The following ZNF236 variants were observed in gnomAD, a reference collection of about 807,000 sequenced individuals.
ZNF236 encodes the protein zinc finger protein 236.
In ZNF236, 50 loss-of-function variants were observed where a neutral mutation model predicts 191.2. The ratio of observed to expected loss-of-function variants is 0.26; its 90% confidence interval spans 0.21 to 0.33. ZNF236 has a LOEUF of 0.33. ZNF236 is among the 10% of genes least tolerant of loss of function. ZNF236 has a pLI of 1.00. For synonymous variants in ZNF236, 907 were observed against 928.8 expected (o/e 0.98, Z 0.43); for missense variants, 1,754 against 2,374.5 (o/e 0.74, Z 5.43).
At chr18:76,847,659 C>T (rs1014567711) in intron 1 of ZNF236, among the ~76,000 whole-genome samples, 6 of 152,002 alleles carry the variant, frequency 3.9e-5, no homozygotes, top group South Asian at 2.1e-4. Context: ...TTAGTAGAGA[C>T]AGGGTTTCAC....
chr18:76,966,799 A>G (rs1304489526), intron 30 of ZNF236, among the ~76,000 whole-genome samples: 1 of 152,226 alleles, frequency 6.6e-6, no homozygotes, highest in Non-Finnish European at 1.5e-5. Flanking sequence ...TGTTTCCTAC[A>G]CAGAATCTAG....
At chr18:76,921,737 C>CTTTTTTTTTT (rs11380490) in intron 20 of ZNF236, among the ~76,000 whole-genome samples, 13 of 98,050 alleles carry the variant, frequency 1.3e-4, no homozygotes, top group Non-Finnish European at 1.4e-4. Context: ...GTGGGATGTT[C>CTTTTTTTTTT]TTTTTTTTTT....
intron 28 of ZNF236, among the ~76,000 whole-genome samples, chr18:76,957,661 T>C (rs923337590): frequency 6.6e-6 from 1 of 152,154 alleles, no homozygotes; most frequent in African/African-American, 2.4e-5. Context: ...TTCCTGCTCC[T>C]CTCCCTCCTC....
At chr18:76,879,940 A>G (rs896005065) in intron 7 of ZNF236, among the ~76,000 whole-genome samples, 173 bp from the exon 8 acceptor site, 2 of 152,166 alleles carry the variant, frequency 1.3e-5, no homozygotes, top group African/African-American at 4.8e-5. Context: ...TTAAGAGCCA[A>G]TATCGTGCCA....
chr18:76,947,658 G>A lies in ZNF236; in HGVS notation c.4914+6G>A, dbSNP rs372859967. 4.6e-4 allele frequency: 741 copies of A among 1,612,162 alleles called. 11 individuals carry two copies. The South Asian group carries it at 7.4e-3, about 16-fold the overall frequency. ...GTGAAGAAATAGCCTACCAGGTACA[G>A]GATATTCCTTCATTCACAGAGCTTT... On this transcript the variant is annotated splice_donor_region_variant and intron_variant, in intron 27 of 30. Transcript: ENST00000320610.
In ZNF236 at chr18:76,849,515, C is replaced by T. The variant is rs1340081274; in HGVS notation, c.56-11C>T. The T allele has an allele frequency of 6.3e-7, 1 of 1,596,072 alleles. No homozygotes were observed. The highest frequency in any genetic ancestry group is 8.5e-7 in the Non-Finnish European group (1 of 1,173,476). ...CTGGTATTTATTGTCTATACTTATGCAATTTTATAGATGGAGTTTTAACAT... is the reference window on the plus strand; with the variant it reads ...CTGGTATTTATTGTCTATACTTATGTAATTTTATAGATGGAGTTTTAACAT... On this transcript the variant is annotated splice_polypyrimidine_tract_variant and intron_variant, in intron 1 of 30. Coordinates refer to ENST00000320610, the MANE Select transcript of ZNF236 (RefSeq NM_001306089.2).
At chr18:76,926,900 C>T (rs1967711360) in intron 22 of ZNF236, 137 bp from the exon 23 acceptor site, 9 of 997,406 alleles carry the variant, frequency 9.0e-6, no homozygotes, top group South Asian at 3.4e-5. Flanking sequence ...AGTAGGTGTT[C>T]GTATTCCACA....
chr18:76,935,335 A>G (rs2122871629), intron 25 of ZNF236, among the ~76,000 whole-genome samples: 1 of 152,304 alleles, frequency 6.6e-6, no homozygotes, highest in Middle Eastern at 3.4e-3. Context: ...GAAATACGAA[A>G]TTTGGCCCTG....
intron 1 of ZNF236, among the ~76,000 whole-genome samples, chr18:76,840,602 G>C (rs1474014499): frequency 1.4e-5 from 2 of 147,076 alleles, no homozygotes; most frequent in Non-Finnish European, 3.0e-5. Flanking sequence ...AGCATTGAAA[G>C]AACACCTGGG....
chr18:76,825,661 A>G (rs541793011), intron 1 of ZNF236, among the ~76,000 whole-genome samples: 3 of 152,266 alleles, frequency 2.0e-5, no homozygotes, highest in Non-Finnish European at 4.4e-5. Context: ...GTTAATGTGT[A>G]GTAGACATTT....
chr18:76,873,904 A>G (rs993894252), intron 5 of ZNF236, among the ~76,000 whole-genome samples: 5 of 144,042 alleles, frequency 3.5e-5, no homozygotes, highest in African/African-American at 1.3e-4. Flanking sequence ...TCCTGTCCCC[A>G]TGCGGGCAGA....
intron 9 of ZNF236, among the ~76,000 whole-genome samples, chr18:76,884,482 G>T (rs1354268878): frequency 6.6e-6 from 1 of 152,092 alleles, no homozygotes; most frequent in Non-Finnish European, 1.5e-5. Flanking sequence ...GAAAGCTGAT[G>T]ATTGACTCCT....
chr18:76,924,747 G>T (rs1391574093), intron 21 of ZNF236, among the ~76,000 whole-genome samples: 1 of 152,234 alleles, frequency 6.6e-6, no homozygotes, highest in African/African-American at 2.4e-5. Flanking sequence ...ATGCCTACCT[G>T]TGCTGGCATT....
Position 76,937,245 on chromosome 18 carries a change from G to A in ZNF236, c.4684G>A (p.Gly1562Ser), listed in dbSNP as rs768965464. ...STQNLVMSSS[G>S]VGGDASVTLT... is the part of the protein sequence containing the mutation. ...TCAGAACCTGGTCATGTCCTCGTCG[G>A]GCGTGGGAGGTGACGCTAGTGTCAC... The change falls in exon 26 of 31, where the codon GGC becomes AGC. Residue 1562 changes from glycine to serine, a missense_variant. By Grantham distance (56) the Gly-to-Ser change is moderately conservative. Transcript: ENST00000320610. The A allele has an allele frequency of 6.2e-7, 1 of 1,614,136 alleles. No individual in the cohort carries two copies. Among genetic ancestry groups the A allele is most frequent in the East Asian group, 2.2e-5 (1 of 44,874 alleles).
At chr18:76,967,608 G>A (rs1483731220) in intron 30 of ZNF236, among the ~76,000 whole-genome samples, 1 of 90,774 alleles carries the variant, frequency 1.1e-5, no homozygotes, top group African/African-American at 4.1e-5. Context: ...TGGAGGTGGT[G>A]TGATCTGTGA....
rs569758545 is a variant in ZNF236 at position 76,972,158 on chromosome 18, G to A, written c.*3819G>A. On this transcript the variant is annotated 3_prime_UTR_variant, in exon 31 of 31. Coordinates refer to ENST00000320610, the MANE Select transcript of ZNF236 (RefSeq NM_001306089.2). ...TACACGCACCACCCAATTTAATGTC[G>A]TATCTGTACTTGGGGCCTCTACACC... Among the ~76,000 whole-genome samples the A allele has an allele frequency of 2.0e-5, 3 of 152,304 alleles. 1 individual carries two copies. Among genetic ancestry groups the A allele is most frequent in the South Asian group, 4.1e-4 (2 of 4,828 alleles).
rs775278794 is a variant in ZNF236, at chr18:76,960,899, C to G, written c.5419+44C>G. 4 of 1,561,002 alleles carry G rather than the reference C, an allele frequency of 2.6e-6. No individual in the cohort carries two copies. Among genetic ancestry groups the G allele is most frequent in the South Asian group, 2.3e-5 (2 of 85,660 alleles). ...GGAGTGCGTGCTGTTCGGTGGCCTGCGAGGCACCCTGTGTTTCGCATACAT... is the reference window on the plus strand; with the variant it reads ...GGAGTGCGTGCTGTTCGGTGGCCTGGGAGGCACCCTGTGTTTCGCATACAT... On this transcript the variant is annotated intron_variant, in intron 30 of 30. Transcript: ENST00000320610. The surrounding 1 kb of genome is among the most constrained non-coding windows in gnomAD (Gnocchi z 4.4).
intron 1 of ZNF236, among the ~76,000 whole-genome samples, chr18:76,848,507 T>C (rs972257137): frequency 1.3e-5 from 2 of 152,350 alleles, no homozygotes; most frequent in East Asian, 1.9e-4. Context: ...TTCTGTGATA[T>C]GTTATTTGTC....
intron 3 of ZNF236, 63 bp from the exon 4 acceptor site, chr18:76,868,622 C>T: frequency 7.2e-7 from 1 of 1,383,840 alleles, no homozygotes. Flanking sequence ...TTGATCATAC[C>T]AGTTCTTTGA....
Sources: allele counts gnomAD v4.1 joint callset (sites outside exome capture counted in the v4.1 genomes callset), GRCh38; gene constraint gnomAD v4.1.1; non-coding constraint Gnocchi (gnomAD v3.1); transcripts MANE v1.5; gene names NCBI Gene and HGNC (gene_info 2026-07-23, HGNC 2026-07-21).